The following MAGI2 variants were observed in gnomAD, a reference collection of about 807,000 sequenced individuals.
MAGI2 encodes the protein membrane associated guanylate kinase, WW and PDZ domain containing 2, also known as membrane-associated guanylate kinase, WW and PDZ domain-containing protein 2.
A neutral mutation model predicts 133.3 loss-of-function variants in MAGI2; 35 were observed. The observed-to-expected ratio is 0.26, with a 90% confidence interval of 0.20 to 0.35. The LOEUF (loss-of-function observed/expected upper bound fraction) is 0.35. Ranked by LOEUF, MAGI2 falls within the 10% of genes least tolerant of loss-of-function variation. MAGI2 has a pLI of 1.00. For missense variants in MAGI2, 1,636 were observed against 1,863.4 expected, an observed-to-expected ratio of 0.88 and a Z score of 2.25; for synonymous variants, 729 against 710.6, an observed-to-expected ratio of 1.03 and a Z score of -0.41.
intron 14 of MAGI2, among the ~76,000 whole-genome samples, chr7:78,174,677 T>C (rs536697321): frequency 6.6e-6 from 1 of 152,290 alleles, no homozygotes; most frequent in African/African-American, 2.4e-5. Flanking sequence ...TGGTTTATGC[T>C]AAGGAGATGA....
chr7:78,211,637 G>T (rs562716619), intron 10 of MAGI2, among the ~76,000 whole-genome samples: 1 of 152,114 alleles, frequency 6.6e-6, no homozygotes, highest in African/African-American at 2.4e-5. Flanking sequence ...TAATAGTAAT[G>T]CACTTTACAT....
At chr7:78,734,484 G>C (rs1211243980) in intron 2 of MAGI2, among the ~76,000 whole-genome samples, 1 of 152,048 alleles carries the variant, frequency 6.6e-6, no homozygotes, top group East Asian at 1.9e-4. Context: ...AATATTAATT[G>C]CATTTATGGC....
At chr7:78,929,131 T>C (rs1799926865) in intron 2 of MAGI2, among the ~76,000 whole-genome samples, 1 of 152,096 alleles carries the variant, frequency 6.6e-6, no homozygotes, top group African/African-American at 2.4e-5. Flanking sequence ...TTAAATATAA[T>C]GATGATAGAT....
At chr7:79,262,146 CCTTT>C (rs1161610778) in intron 1 of MAGI2, among the ~76,000 whole-genome samples, 1 of 152,164 alleles carries the variant, frequency 6.6e-6, no homozygotes, top group Non-Finnish European at 1.5e-5. Context: ...GATTCCCAAA[CCTTT>C]CTTTATCTCT....
At chr7:78,501,483 T>A in intron 5 of MAGI2, 94 bp downstream of exon 5, 1 of 1,025,424 alleles carries the variant, frequency 9.8e-7, no homozygotes, top group Non-Finnish European at 1.4e-6. Flanking sequence ...CATGTTTTTT[T>A]CTTTTTTTTT....
intron 1 of MAGI2, among the ~76,000 whole-genome samples, chr7:79,104,829 C>G (rs1818313756): frequency 6.6e-6 from 1 of 152,156 alleles, no homozygotes; most frequent in African/African-American, 2.4e-5. Flanking sequence ...AAAAAGACTA[C>G]TATTCCTAAA....
At chr7:78,650,166 C>T (rs911876238) in intron 2 of MAGI2, among the ~76,000 whole-genome samples, 2 of 152,086 alleles carry the variant, frequency 1.3e-5, no homozygotes, top group Non-Finnish European at 2.9e-5. Context: ...GGAATTTGGT[C>T]AACAACCGCA....
At chr7:78,032,395 TG>T (rs1282659398) in intron 21 of MAGI2, among the ~76,000 whole-genome samples, 2 of 152,206 alleles carry the variant, frequency 1.3e-5, no homozygotes, top group South Asian at 2.1e-4. Context: ...CTGTATTTTT[TG>T]TAGAGATGGG....
At chr7:78,809,138 C>T (rs1170173349) in intron 2 of MAGI2, among the ~76,000 whole-genome samples, 1 of 152,148 alleles carries the variant, frequency 6.6e-6, no homozygotes, top group Admixed American at 6.5e-5. Context: ...AGACTATGGA[C>T]TTGCAATATA....
At chr7:79,212,282 T>C (rs900947853) in intron 1 of MAGI2, among the ~76,000 whole-genome samples, 1 of 152,096 alleles carries the variant, frequency 6.6e-6, no homozygotes, top group African/African-American at 2.4e-5. Context: ...GTGTCTGTAG[T>C]ATTTTGCTAT....
intron 2 of MAGI2, among the ~76,000 whole-genome samples, chr7:78,995,249 T>C (rs1042182002): frequency 9.9e-5 from 15 of 152,108 alleles, no homozygotes; most frequent in African/African-American, 3.6e-4. Flanking sequence ...AAAGCTGTGT[T>C]GGATTGCAAA....
At chr7:78,645,406 A>G (rs1260023333) in intron 2 of MAGI2, among the ~76,000 whole-genome samples, 3 of 152,200 alleles carry the variant, frequency 2.0e-5, no homozygotes, top group Admixed American at 1.3e-4. Flanking sequence ...CAAAAAACTA[A>G]TAACATTTTA....
At chr7:78,506,819 A>T (rs1795132529) in intron 4 of MAGI2, among the ~76,000 whole-genome samples, 1 of 152,260 alleles carries the variant, frequency 6.6e-6, no homozygotes, top group Non-Finnish European at 1.5e-5. Flanking sequence ...ATACAGAATT[A>T]TCCTAATAGA....
At chr7:79,048,709 C>T (rs1812397277) in intron 1 of MAGI2, among the ~76,000 whole-genome samples, 2 of 152,294 alleles carry the variant, frequency 1.3e-5, no homozygotes, top group Admixed American at 6.5e-5. Flanking sequence ...CACAATGGCT[C>T]ATGCCTGTAA....
intron 7 of MAGI2, among the ~76,000 whole-genome samples, chr7:78,355,114 A>G (rs774898267): frequency 1.0e-3 from 152 of 152,312 alleles, no homozygotes; most frequent in African/African-American, 2.1e-3. Context: ...TTACTAGAAG[A>G]TCAAAGCTTT....
chr7:78,948,285 G>A (rs978617444), intron 2 of MAGI2, among the ~76,000 whole-genome samples: 2 of 151,746 alleles, frequency 1.3e-5, no homozygotes, highest in African/African-American at 2.4e-5. Context: ...TTATTTTAAT[G>A]CAACTTTTAT....
intron 2 of MAGI2, among the ~76,000 whole-genome samples, chr7:78,711,943 C>A (rs1325199615): frequency 6.6e-6 from 1 of 152,120 alleles, no homozygotes; most frequent in Non-Finnish European, 1.5e-5. Context: ...GCACCAACAA[C>A]TTAAAGAGTC....
intron 1 of MAGI2, among the ~76,000 whole-genome samples, chr7:79,113,894 T>C (rs1397716080): frequency 2.0e-5 from 3 of 152,202 alleles, no homozygotes; most frequent in Non-Finnish European, 2.9e-5. Flanking sequence ...TGACTATTTC[T>C]ATCTTGAATT....
intron 1 of MAGI2, among the ~76,000 whole-genome samples, chr7:79,031,068 T>C (rs938420310): frequency 6.6e-5 from 10 of 152,150 alleles, no homozygotes; most frequent in African/African-American, 2.2e-4. Context: ...AATCATGTTC[T>C]TCATGAGCAT....
Sources: gnomAD v4.1 joint callset for allele counts (sites outside exome capture counted in the v4.1 genomes callset) on GRCh38, gnomAD v4.1.1 for gene constraint, MANE v1.5 for transcripts, NCBI Gene and HGNC (gene_info 2026-07-23, HGNC 2026-07-21) for gene names.